The following FAM107B variants were observed in gnomAD, a reference collection of about 807,000 sequenced individuals.
FAM107B encodes protein FAM107B.
In FAM107B, 21 loss-of-function variants were observed where a neutral mutation model predicts 31.5. That is an observed-to-expected ratio of 0.67 (90% confidence interval 0.47 to 0.96). The LOEUF (loss-of-function observed/expected upper bound fraction) is 0.96, where lower values mean the gene tolerates loss of function less well. Among genes scored for constraint, FAM107B ranks in the 40% least tolerant of loss-of-function variants. The probability of loss-of-function intolerance (pLI) is 0.00; values close to 1 mark genes in which losing one functional copy is unlikely to be tolerated. For missense variants in FAM107B, 452 were observed against 377.1 expected (o/e 1.20, Z -1.64); for synonymous variants, 157 against 141.5 (o/e 1.11, Z -0.78).
intron 1 of FAM107B, among the ~76,000 whole-genome samples, chr10:14,695,280 G>T (rs1855238512): frequency 6.6e-6 from 1 of 150,798 alleles, no homozygotes; most frequent in Non-Finnish European, 1.5e-5. Flanking sequence ...GTGTTCTCTT[G>T]ATGCCTTTTT....
chr10:14,695,254 ACC>A (rs1855237808), intron 1 of FAM107B, among the ~76,000 whole-genome samples: 1 of 151,766 alleles, frequency 6.6e-6, no homozygotes, highest in Non-Finnish European at 1.5e-5. Flanking sequence ...TACTGAAGAG[ACC>A]CTCCTTTCCC....
chr10:14,696,315 A>G (rs1390935736), intron 1 of FAM107B, among the ~76,000 whole-genome samples: 1 of 152,248 alleles, frequency 6.6e-6, no homozygotes, highest in African/African-American at 2.4e-5. Context: ...TGTTAAAACC[A>G]GGCTTGCATG....
intron 1 of FAM107B, among the ~76,000 whole-genome samples, chr10:14,755,189 AATGAAACTTAAAATAAT>A (rs1466798491): frequency 6.6e-6 from 1 of 152,212 alleles, no homozygotes; most frequent in Non-Finnish European, 1.5e-5. Context: ...CCATGGTCTA[AATGAAACTTAAAATAAT>A]TCAAGGGTCC....
At chr10:14,638,402 C>T (rs1464889262) in intron 2 of FAM107B, among the ~76,000 whole-genome samples, 1 of 152,068 alleles carries the variant, frequency 6.6e-6, no homozygotes, top group African/African-American at 2.4e-5. Flanking sequence ...ATGCTCCCTT[C>T]TCTTTGAATG....
rs571307312 is a variant in FAM107B at position 14,667,585 on chromosome 10, C to T, written c.469+49G>A. On this transcript the variant is annotated intron_variant, in intron 2 of 4. Transcript: ENST00000181796. ...AAGCCTTAGGATGCTCCAAGCACTTCTGTCAGCAACAGCAGCCTGGAAAAG... is the reference window on the plus strand; with the variant it reads ...AAGCCTTAGGATGCTCCAAGCACTTTTGTCAGCAACAGCAGCCTGGAAAAG... 100 of 1,598,870 alleles carry T rather than the reference C, an allele frequency of 6.3e-5. 1 individual carries two copies. The South Asian group carries it at 1.0e-3, about 16-fold the overall frequency.
chr10:14,624,411 T>A (rs1853100042), intron 2 of FAM107B, among the ~76,000 whole-genome samples: 1 of 151,908 alleles, frequency 6.6e-6, no homozygotes, highest in African/African-American at 2.4e-5. Context: ...CTGAGGAGGG[T>A]GGATCATTTG....
At chr10:14,763,595 T>G (rs529476728) in intron 1 of FAM107B, among the ~76,000 whole-genome samples, 1 of 152,306 alleles carries the variant, frequency 6.6e-6, no homozygotes, top group South Asian at 2.1e-4. Context: ...TCAGAAGGGT[T>G]CCGGCAAAAA....
chr10:14,700,390 C>T (rs1316801752), intron 1 of FAM107B, among the ~76,000 whole-genome samples: 1 of 152,090 alleles, frequency 6.6e-6, no homozygotes. Context: ...TTCCTCTGGG[C>T]AATTTGTAGA....
intron 2 of FAM107B, among the ~76,000 whole-genome samples, chr10:14,658,902 A>G (rs953734984): frequency 2.0e-5 from 3 of 152,204 alleles, no homozygotes; most frequent in South Asian, 2.1e-4. Context: ...AGTGAATTAT[A>G]TAATGTGTGG....
intron 1 of FAM107B, among the ~76,000 whole-genome samples, chr10:14,705,133 A>T (rs1039424927): frequency 7.2e-5 from 11 of 152,098 alleles, no homozygotes; most frequent in Non-Finnish European, 1.5e-5. Flanking sequence ...ACTAATCATT[A>T]GGGAAATGTA....
intron 2 of FAM107B, among the ~76,000 whole-genome samples, chr10:14,627,523 C>G (rs1333960853): frequency 3.3e-5 from 5 of 152,170 alleles, no homozygotes; most frequent in African/African-American, 1.2e-4. Context: ...CCTGTCATCC[C>G]AACACTTTGG....
intron 2 of FAM107B, among the ~76,000 whole-genome samples, chr10:14,543,789 C>A (rs1414019707): frequency 6.6e-6 from 1 of 151,628 alleles, no homozygotes; most frequent in Non-Finnish European, 1.5e-5. Flanking sequence ...GAAGGCTGTG[C>A]CAGATGACCC....
chr10:14,529,738 T>C (rs897006214), intron 3 of FAM107B: 1 of 152,232 alleles, frequency 6.6e-6, no homozygotes, highest in Non-Finnish European at 1.5e-5. Flanking sequence ...ACATCCATAA[T>C]GATTTATGGC....
intron 2 of FAM107B, chr10:14,602,999 CCACACACACACACA>C (rs10546149): frequency 1.5e-4 from 22 of 146,962 alleles, no homozygotes; most frequent in African/African-American, 4.8e-4. Flanking sequence ...ACCCTCTTTC[CCACACACACACACA>C]CACACACACA....
intron 2 of FAM107B, among the ~76,000 whole-genome samples, chr10:14,625,259 C>CGTGTGT (rs55688523): frequency 1.2e-4 from 18 of 146,300 alleles, no homozygotes; most frequent in African/African-American, 4.3e-4. Context: ...CGTGTGCGTG[C>CGTGTGT]GTGTGTGTGT....
At chr10:14,634,543 C>T (rs1397602856) in intron 2 of FAM107B, among the ~76,000 whole-genome samples, 1 of 152,010 alleles carries the variant, frequency 6.6e-6, no homozygotes, top group African/African-American at 2.4e-5. Flanking sequence ...AATTCTGCTT[C>T]CAGTAATGAT....
At position 14,655,873 on chromosome 10, in the gene FAM107B, T is replaced by C. The variant is rs148052143; in HGVS notation, c.469+11761A>G. Among the ~76,000 whole-genome samples, 462 of 152,090 alleles carry C rather than the reference T, an allele frequency of 3.0e-3. 1 individual carries two copies. The highest frequency in any genetic ancestry group is 0.011 in the African/African-American group (454 of 41,486). On this transcript the variant is annotated intron_variant, in intron 2 of 4. Coordinates refer to ENST00000181796, the MANE Select transcript of FAM107B (RefSeq NM_031453.4). The stretch of plus-strand genomic sequence containing the variant: ...TTTATTCACAAAGTCTGATCAGGGA[T>C]TGGGTGACAATTACTCCTCAGGGGC...
intron 1 of FAM107B, among the ~76,000 whole-genome samples, chr10:14,670,204 T>C (rs1312817025): frequency 6.6e-6 from 1 of 152,242 alleles, no homozygotes; most frequent in African/African-American, 2.4e-5. Context: ...AAAAATCATC[T>C]CCAAATATTC....
intron 1 of FAM107B, among the ~76,000 whole-genome samples, chr10:14,740,993 G>A (rs530266489): frequency 1.8e-4 from 28 of 152,240 alleles, no homozygotes; most frequent in Non-Finnish European, 3.5e-4. Flanking sequence ...GCCAGGAAAC[G>A]ATGTGTGAAA....
Sources: allele counts gnomAD v4.1 joint callset (sites outside exome capture counted in the v4.1 genomes callset), GRCh38; gene constraint gnomAD v4.1.1; transcripts MANE v1.5; gene names NCBI Gene and HGNC (gene_info 2026-07-23, HGNC 2026-07-21).